Variants in NCKAP5 observed in about 807,000 individuals in gnomAD.
NCKAP5 encodes the protein NCK associated protein 5, also known as nck-associated protein 5.
Under a neutral mutation model 167.0 loss-of-function variants are expected in NCKAP5, and 92 were observed. The observed-to-expected ratio is 0.55, with a 90% CI of 0.47 to 0.66. NCKAP5 has a LOEUF of 0.66. Among genes scored for constraint, NCKAP5 ranks in the 30% least tolerant of loss-of-function variants. NCKAP5 has a pLI of 0.00. For synonymous variants in NCKAP5, 891 were observed against 877.4 expected, an observed-to-expected ratio of 1.02 and a Z score of -0.27; for missense variants, 2,378 against 2,315.0, an observed-to-expected ratio of 1.03 and a Z score of -0.56.
the NCKAP5 span, among the ~76,000 whole-genome samples, chr2:133,576,692 G>A: frequency 6.6e-6 from 1 of 152,164 alleles, no homozygotes; most frequent in East Asian, 1.9e-4. Context: ...GAGTGAGAGG[G>A]GGTAACTAAG....
intron 11 of NCKAP5, among the ~76,000 whole-genome samples, chr2:132,820,917 A>G (rs1486187380): frequency 6.6e-6 from 1 of 152,206 alleles, no homozygotes; most frequent in Non-Finnish European, 1.5e-5. Flanking sequence ...GTGAGGCAAC[A>G]TAAAATGTGC....
rs1005346893 is a variant in NCKAP5, at chr2:132,995,612, C to A, written c.342-1373G>T. ...GTTGCAGTGAGCCAGGATCACACCA[C>A]CGCACTCCAGCCTGGGCGACAGAGA... On this transcript the variant is annotated intron_variant, in intron 6 of 19. Transcript: ENST00000409261. Among the ~76,000 whole-genome samples the A allele has an allele frequency of 2.0e-5, 3 of 150,734 alleles. No individual in the cohort carries two copies. The South Asian group carries it at 6.3e-4, about 32-fold the overall frequency.
At chr2:132,860,380 G>T (rs1390172894) in intron 11 of NCKAP5, 112 bp downstream of exon 11, 5 of 1,201,150 alleles carry the variant, frequency 4.2e-6, no homozygotes, top group Non-Finnish European at 5.7e-6. Flanking sequence ...AAAGAATTGG[G>T]ATTCTGATGC....
rs149018887 is a variant in NCKAP5 at position 133,510,023 on chromosome 2, C to A, written c.69+7435G>T. ...AGGAGCCATTCAGAGTGAGTAACAACCACAATGAAGGTGGATCCTCCTTCA... is the reference window on the plus strand; with the variant it reads ...AGGAGCCATTCAGAGTGAGTAACAAACACAATGAAGGTGGATCCTCCTTCA... On this transcript the variant is annotated intron_variant, in intron 3 of 19. Transcript: ENST00000409261. Among the ~76,000 whole-genome samples the A allele has an allele frequency of 1.6e-3, 246 of 152,284 alleles. 1 individual carries two copies. Among genetic ancestry groups the A allele is most frequent in the African/African-American group, 5.6e-3 (232 of 41,550 alleles).
At chr2:133,259,575 G>C (rs1429662850) in intron 4 of NCKAP5, among the ~76,000 whole-genome samples, 1 of 152,100 alleles carries the variant, frequency 6.6e-6, no homozygotes, top group African/African-American at 2.4e-5. Flanking sequence ...AGTGACTGAG[G>C]GATGTCCTCA....
chr2:132,919,846 T>A (rs193056282), intron 8 of NCKAP5, among the ~76,000 whole-genome samples: 173 of 152,324 alleles, frequency 1.1e-3, no homozygotes, highest in African/African-American at 4.0e-3. Context: ...GACTGGAAGA[T>A]GCTGAGTCTA....
intron 3 of NCKAP5, among the ~76,000 whole-genome samples, chr2:133,357,328 CAT>C (rs35003480): frequency 6.7e-5 from 10 of 150,314 alleles, no homozygotes; most frequent in African/African-American, 9.9e-5. Flanking sequence ...CACACACACA[CAT>C]ACACAGAGGC....
At chr2:133,236,781 A>C (rs2087441591) in intron 4 of NCKAP5, among the ~76,000 whole-genome samples, 1 of 152,332 alleles carries the variant, frequency 6.6e-6, no homozygotes, top group Non-Finnish European at 1.5e-5. Flanking sequence ...TTAAAATGGA[A>C]GTTCAAGCTT....
intron 4 of NCKAP5, among the ~76,000 whole-genome samples, chr2:133,240,216 G>A (rs951512053): frequency 6.6e-6 from 1 of 152,094 alleles, no homozygotes; most frequent in Non-Finnish European, 1.5e-5. Flanking sequence ...TTAAGAAATG[G>A]TAAACAATAA....
chr2:133,326,955 T>C (rs1297814321), intron 3 of NCKAP5, among the ~76,000 whole-genome samples: 5 of 152,228 alleles, frequency 3.3e-5, no homozygotes, highest in Non-Finnish European at 5.9e-5. Flanking sequence ...CTGCTGCTGC[T>C]GCCGCCAGCC....
chr2:132,862,765 CAA>C lies in NCKAP5; in HGVS notation c.688-2156_688-2155del, dbSNP rs745328010. Among the ~76,000 whole-genome samples, 134 of 81,202 alleles carry C rather than the reference CAA, an allele frequency of 1.7e-3. 1 individual carries two copies. Among genetic ancestry groups the C allele is most frequent in the African/African-American group, 6.1e-3 (124 of 20,312 alleles). The allele number at this position is 81,202 out of a possible 152,430, so 53.3% of individuals were successfully genotyped here. A position where few individuals can be genotyped will look rare whatever the true frequency, so the allele number is the denominator to read the frequency against. Reference sequence around the variant, plus strand: ...ACAAAGTCTCAAAAAAACCCAGTCTCAAAAAAAAAAAAACCAAAAAAAAACAA... The same window carrying C: ...ACAAAGTCTCAAAAAAACCCAGTCTCAAAAAAAAAAACCAAAAAAAAACAA... On this transcript the variant is annotated intron_variant, in intron 10 of 19. Coordinates refer to ENST00000409261, the MANE Select transcript of NCKAP5 (RefSeq NM_207363.3).
intron 19 of NCKAP5, among the ~76,000 whole-genome samples, chr2:132,681,997 T>C (rs1210737787): frequency 6.6e-6 from 1 of 152,212 alleles, no homozygotes; most frequent in Non-Finnish European, 1.5e-5. Context: ...CTGCAATTCA[T>C]GTTTTGGGTC....
the NCKAP5 span, among the ~76,000 whole-genome samples, chr2:133,646,289 T>A: frequency 6.6e-6 from 1 of 152,124 alleles, no homozygotes; most frequent in South Asian, 2.1e-4. Context: ...AATAAACCCA[T>A]GATAAGATCA....
intron 3 of NCKAP5, among the ~76,000 whole-genome samples, chr2:133,412,790 A>G (rs1688854362): frequency 6.6e-6 from 1 of 152,228 alleles, no homozygotes; most frequent in Non-Finnish European, 1.5e-5. Context: ...ACTGGCTTTT[A>G]TGTCAAATAT....
intron 19 of NCKAP5, among the ~76,000 whole-genome samples, chr2:132,680,917 A>C (rs956261062): frequency 1.3e-5 from 2 of 152,154 alleles, no homozygotes; most frequent in Non-Finnish European, 2.9e-5. Flanking sequence ...TCTGTTTTCC[A>C]GGGGGGAACA....
At chr2:132,836,782 C>T (rs116624829) in intron 11 of NCKAP5, among the ~76,000 whole-genome samples, 341 of 152,204 alleles carry the variant, frequency 2.2e-3, no homozygotes, top group African/African-American at 7.4e-3. Flanking sequence ...TAGAGCCTTG[C>T]CTGGGCTATT....
chr2:133,526,250 AGGGAGGGAGGGAAGGAGGGAGGGAGGG>A, intron 2 of NCKAP5, among the ~76,000 whole-genome samples: 1 of 46,760 alleles, frequency 2.1e-5, no homozygotes, highest in African/African-American at 8.7e-5. Context: ...GGAGGGAAGG[AGGGAGGGAGGGAAGGAGGGAGGGAGGG>A]AAGGAGGGAG....
In NCKAP5 at chr2:132,922,718, C is replaced by G. The variant is rs114476614; in HGVS notation, c.579+41002G>C. Among the ~76,000 whole-genome samples, 498 of 152,216 alleles carry G rather than the reference C, an allele frequency of 3.3e-3. 3 individuals carry two copies. The highest frequency in any genetic ancestry group is 0.012 in the African/African-American group (479 of 41,538). On this transcript the variant is annotated intron_variant, in intron 8 of 19. Coordinates refer to ENST00000409261, the MANE Select transcript of NCKAP5 (RefSeq NM_207363.3). Reference sequence around the variant, plus strand: ...AAGTGCATATTATTATCCTGATGTTCCCAGAAGTATAGAGAAGTTGAGGAG... The same window carrying G: ...AAGTGCATATTATTATCCTGATGTTGCCAGAAGTATAGAGAAGTTGAGGAG...
intron 4 of NCKAP5, among the ~76,000 whole-genome samples, chr2:133,240,852 T>C (rs1559306409): frequency 6.6e-6 from 1 of 152,198 alleles, no homozygotes; most frequent in African/African-American, 2.4e-5. Context: ...GCCTCTATTT[T>C]CATTCAGGAT....
Sources: allele counts gnomAD v4.1 joint callset (sites outside exome capture counted in the v4.1 genomes callset), GRCh38; gene constraint gnomAD v4.1.1; transcripts MANE v1.5; gene names NCBI Gene and HGNC (gene_info 2026-07-23, HGNC 2026-07-21).